NEGR1: variants seen among roughly 807,000 people sequenced by gnomAD.
NEGR1 encodes IgLON family member 4.
A neutral mutation model predicts 40.9 loss-of-function variants in NEGR1; 10 were observed. The observed-to-expected ratio is 0.24, with a 90% CI of 0.15 to 0.42. The LOEUF (loss-of-function observed/expected upper bound fraction) is 0.42. Among genes scored for constraint, NEGR1 ranks in the 10% least tolerant of loss-of-function variants. NEGR1 has a pLI of 1.00. For missense variants in NEGR1, 352 were observed against 438.9 expected (o/e 0.80, Z 1.77); for synonymous variants, 185 against 166.8 (o/e 1.11, Z -0.84).
intron 3 of NEGR1, among the ~76,000 whole-genome samples, chr1:71,740,017 T>A (rs916963457): frequency 6.6e-6 from 1 of 152,208 alleles, no homozygotes; most frequent in African/African-American, 2.4e-5. Flanking sequence ...ACAGAAAGAT[T>A]ATTAACAAGT....
At chr1:71,896,734 T>C (rs1660985428) in intron 2 of NEGR1, among the ~76,000 whole-genome samples, 1 of 152,178 alleles carries the variant, frequency 6.6e-6, no homozygotes, top group Non-Finnish European at 1.5e-5. Context: ...TGGCATGATG[T>C]AGGGGTCTGA....
At chr1:72,045,304 A>G (rs1346631943) in intron 1 of NEGR1, among the ~76,000 whole-genome samples, 1 of 151,832 alleles carries the variant, frequency 6.6e-6, no homozygotes, top group Admixed American at 6.6e-5. Context: ...GGAAACTAGA[A>G]ACAAACAAGT....
chr1:71,499,647 T>A (rs142260046), intron 6 of NEGR1, among the ~76,000 whole-genome samples: 25 of 151,904 alleles, frequency 1.6e-4, no homozygotes, highest in Admixed American at 3.9e-4. Context: ...TATAAACTTA[T>A]CCCAGTATCA....
intron 6 of NEGR1, among the ~76,000 whole-genome samples, chr1:71,452,805 CA>C (rs1372182056): frequency 0.043 from 981 of 22,746 alleles, 9 homozygotes; most frequent in Middle Eastern, 0.11. Context: ...AACAAAGAAA[CA>C]AAAAAAAACC....
intron 4 of NEGR1, among the ~76,000 whole-genome samples, chr1:71,652,989 G>C (rs1198931642): frequency 1.3e-5 from 2 of 152,086 alleles, no homozygotes; most frequent in Non-Finnish European, 2.9e-5. Flanking sequence ...GTCAGACACA[G>C]GTATTCACTG....
intron 1 of NEGR1, among the ~76,000 whole-genome samples, chr1:72,188,794 C>T (rs1044919087): frequency 1.3e-5 from 2 of 151,416 alleles, no homozygotes; most frequent in African/African-American, 4.8e-5. Flanking sequence ...AAGAATTAAA[C>T]AATTATTATG....
chr1:72,225,304 T>A (rs12093750), intron 1 of NEGR1, among the ~76,000 whole-genome samples: 6,071 of 152,064 alleles, frequency 0.04, 394 homozygotes, highest in African/African-American at 0.14. Flanking sequence ...ATCCTTCATT[T>A]CTCATCAGAT....
chr1:71,412,827 G>A (rs921916060), intron 6 of NEGR1, among the ~76,000 whole-genome samples: 7 of 151,972 alleles, frequency 4.6e-5, no homozygotes, highest in East Asian at 1.9e-4. Flanking sequence ...GAGAGAATAC[G>A]CAGCCCTTTA....
chr1:71,895,512 T>C (rs1660947006), intron 2 of NEGR1, among the ~76,000 whole-genome samples: 1 of 152,228 alleles, frequency 6.6e-6, no homozygotes, highest in African/African-American at 2.4e-5. Flanking sequence ...TTATAGATTA[T>C]CTTATTGTAG....
At chr1:71,543,675 G>C (rs1047902629) in intron 6 of NEGR1, among the ~76,000 whole-genome samples, 1 of 151,568 alleles carries the variant, frequency 6.6e-6, no homozygotes, top group Admixed American at 6.6e-5. Context: ...AGAACAAACT[G>C]GTATCAAACT....
intron 5 of NEGR1, among the ~76,000 whole-genome samples, chr1:71,609,509 C>CAAGACTCT (rs1194645258): frequency 2.7e-5 from 1 of 36,950 alleles, no homozygotes; most frequent in African/African-American, 7.6e-5. Flanking sequence ...ACCAAGACTC[C>CAAGACTCT]GTCTCAAAAA....
At chr1:71,773,008 C>A (rs6697370) in intron 3 of NEGR1, among the ~76,000 whole-genome samples, 11,100 of 152,118 alleles carry the variant, frequency 0.073, 510 homozygotes, top group East Asian at 0.14. Flanking sequence ...GCTCACATAT[C>A]CAGAAACATC....
chr1:72,212,058 C>T lies in NEGR1; in HGVS notation c.176+70261G>A, dbSNP rs184861941. 7.6e-4 allele frequency among the ~76,000 whole-genome samples: 116 copies of T among 151,996 alleles called. 1 individual carries two copies. The highest frequency in any genetic ancestry group is 2.7e-3 in the African/African-American group (111 of 41,506). ...ATGCCTACTCCTAAAGGAATATGCT[C>T]ATGATAGATGTGTTCTGATTCCTGC... On this transcript the variant is annotated intron_variant, in intron 1 of 6. Coordinates refer to ENST00000357731, the MANE Select transcript of NEGR1 (RefSeq NM_173808.3).
At chr1:71,706,257 C>G (rs891519249) in intron 3 of NEGR1, among the ~76,000 whole-genome samples, 23 of 152,168 alleles carry the variant, frequency 1.5e-4, no homozygotes, top group Non-Finnish European at 2.8e-4. Context: ...TCAAACTCAG[C>G]TGATGCCCAT....
intron 1 of NEGR1, among the ~76,000 whole-genome samples, chr1:72,135,600 A>G (rs1650433299): frequency 6.6e-6 from 1 of 152,094 alleles, no homozygotes; most frequent in Non-Finnish European, 1.5e-5. Flanking sequence ...GAGCTCAGCA[A>G]ACTTCCTTTA....
intron 1 of NEGR1, among the ~76,000 whole-genome samples, chr1:71,992,235 A>C (rs575781579): frequency 1.6e-4 from 25 of 152,336 alleles, no homozygotes; most frequent in African/African-American, 5.3e-4. Flanking sequence ...CATTTTTAGC[A>C]TATAAATTAA....
intron 3 of NEGR1, among the ~76,000 whole-genome samples, chr1:71,718,679 A>T (rs1654354899): frequency 6.6e-6 from 1 of 152,156 alleles, no homozygotes; most frequent in African/African-American, 2.4e-5. Flanking sequence ...CTCAAATAGC[A>T]CTGAAAGTAT....
At position 72,179,439 on chromosome 1, in the gene NEGR1, G is replaced by A. The variant is rs189774327; in HGVS notation, c.176+102880C>T. Among the ~76,000 whole-genome samples the A allele has an allele frequency of 5.3e-5, 8 of 152,058 alleles. No individual in the cohort carries two copies. In the East Asian group the frequency reaches 1.6e-3, roughly 30 times the overall value. On this transcript the variant is annotated intron_variant, in intron 1 of 6. Transcript: ENST00000357731. ...CAGTTATTTGTTACATAGTATTCTT[G>A]TGGCAATAATTAACTGATGCAGGGT...
At chr1:72,161,481 G>A (rs375645521) in intron 1 of NEGR1, among the ~76,000 whole-genome samples, 5 of 152,114 alleles carry the variant, frequency 3.3e-5, no homozygotes, top group African/African-American at 1.2e-4. Flanking sequence ...CAGTGATGTA[G>A]TGAGTGGAGA....
Sources: allele counts gnomAD v4.1 joint callset (sites outside exome capture counted in the v4.1 genomes callset), GRCh38; gene constraint gnomAD v4.1.1; transcripts MANE v1.5; gene names NCBI Gene and HGNC (gene_info 2026-07-23, HGNC 2026-07-21).